The following SGCD variants were observed in gnomAD, a reference collection of about 807,000 sequenced individuals.
The protein encoded by SGCD is sarcoglycan delta, also known as delta-sarcoglycan.
SGCD carries 18 observed loss-of-function variants against 36.6 expected under a neutral mutation model. The observed-to-expected ratio is 0.49, with a 90% CI of 0.34 to 0.73. The LOEUF is 0.73. SGCD is among the 30% of genes least tolerant of loss of function. The pLI is 0.01. For synonymous variants in SGCD, 133 were observed against 130.6 expected (o/e 1.02, Z -0.12); for missense variants, 387 against 346.7 (o/e 1.12, Z -0.92).
At chr5:155,807,834 G>A in the SGCD span, among the ~76,000 whole-genome samples, 1 of 152,218 alleles carries the variant, frequency 6.6e-6, no homozygotes, top group East Asian at 1.9e-4. Context: ...GACTCTTTAT[G>A]GAGAGAGGAT....
intron 3 of SGCD, among the ~76,000 whole-genome samples, chr5:156,415,501 C>G (rs1051238756): frequency 1.3e-5 from 2 of 152,162 alleles, no homozygotes; most frequent in Admixed American, 6.5e-5. Context: ...CCCTGAGGCT[C>G]TCTGATTTCA....
At chr5:156,036,969 C>A (rs575785429) in intron 1 of SGCD, among the ~76,000 whole-genome samples, 1 of 152,120 alleles carries the variant, frequency 6.6e-6, no homozygotes, top group Admixed American at 6.6e-5. Context: ...TCTCCTCATG[C>A]CACTTACAGT....
chr5:156,412,787 CTTTT>C (rs35464853), intron 3 of SGCD, among the ~76,000 whole-genome samples: 2 of 105,024 alleles, frequency 1.9e-5, no homozygotes. Context: ...AGGGTTGGTT[CTTTT>C]TTTTTTTTTT....
intron 3 of SGCD, among the ~76,000 whole-genome samples, chr5:156,148,997 GT>G (rs1333215937): frequency 6.6e-6 from 1 of 152,130 alleles, no homozygotes; most frequent in African/African-American, 2.4e-5. Flanking sequence ...GAATGGGTTT[GT>G]TTTCATATTC....
chr5:156,198,642 T>C (rs995611255), intron 3 of SGCD, among the ~76,000 whole-genome samples: 5 of 152,088 alleles, frequency 3.3e-5, no homozygotes, highest in African/African-American at 1.2e-4. Flanking sequence ...TGTGAAAGAA[T>C]AGTTTTTCCC....
the SGCD span, among the ~76,000 whole-genome samples, chr5:155,777,274 T>G: frequency 6.6e-6 from 1 of 152,166 alleles, no homozygotes; most frequent in African/African-American, 2.4e-5. Context: ...ATATGTATAT[T>G]GTTGCTAGAA....
intron 3 of SGCD, among the ~76,000 whole-genome samples, chr5:156,408,462 G>A (rs376600224): frequency 9.9e-5 from 15 of 151,650 alleles, no homozygotes; most frequent in Non-Finnish European, 1.8e-4. Context: ...GGGTTCAAGC[G>A]ATTCTCCTGC....
At chr5:156,305,536 T>C (rs897835309) in intron 3 of SGCD, among the ~76,000 whole-genome samples, 3 of 152,146 alleles carry the variant, frequency 2.0e-5, no homozygotes, top group South Asian at 2.1e-4. Flanking sequence ...GGGGCCCTCA[T>C]GGAGAACCTC....
chr5:156,432,240 G>T (rs1753053938), intron 3 of SGCD, among the ~76,000 whole-genome samples: 1 of 152,214 alleles, frequency 6.6e-6, no homozygotes, highest in African/African-American at 2.4e-5. Flanking sequence ...TTTCTAGTAT[G>T]CTAGTTATGC....
the SGCD span, among the ~76,000 whole-genome samples, chr5:155,830,037 GC>G: frequency 3.5e-4 from 53 of 152,062 alleles, 1 homozygote; most frequent in Admixed American, 5.9e-4. Flanking sequence ...GGGGATGGAG[GC>G]CCAAAGTCTC....
chr5:156,046,370 T>C (rs1403334538), intron 1 of SGCD, among the ~76,000 whole-genome samples: 1 of 152,148 alleles, frequency 6.6e-6, no homozygotes, highest in African/African-American at 2.4e-5. Context: ...CAGGCATACC[T>C]AGTTTTATTG....
intron 1 of SGCD, among the ~76,000 whole-genome samples, chr5:155,947,475 T>G (rs560300358): frequency 1.3e-5 from 2 of 152,240 alleles, no homozygotes; most frequent in Admixed American, 1.3e-4. Context: ...TTAATAACTT[T>G]CCTCAAAGTC....
chr5:156,095,966 A>T (rs1761363915), intron 1 of SGCD, among the ~76,000 whole-genome samples: 1 of 152,234 alleles, frequency 6.6e-6, no homozygotes, highest in East Asian at 1.9e-4. Flanking sequence ...AGTCCAGCTG[A>T]CATTCTGAGT....
chr5:156,285,123 G>T (rs182510909), intron 3 of SGCD, among the ~76,000 whole-genome samples: 141 of 152,304 alleles, frequency 9.3e-4, no homozygotes, highest in Admixed American at 2.6e-3. Flanking sequence ...CAAGGGATAT[G>T]AAGGACCTCT....
chr5:156,396,732 T>TA (rs1771871368), intron 3 of SGCD, among the ~76,000 whole-genome samples: 1 of 152,184 alleles, frequency 6.6e-6, no homozygotes, highest in African/African-American at 2.4e-5. Flanking sequence ...AATGATAGCT[T>TA]ACACTGCCTG....
chr5:156,306,119 A>T (rs1260888104), intron 3 of SGCD, among the ~76,000 whole-genome samples: 1 of 152,202 alleles, frequency 6.6e-6, no homozygotes, highest in Non-Finnish European at 1.5e-5. Flanking sequence ...GGAAGGCATG[A>T]TTCATTTTGA....
At chr5:156,687,379 A>G (rs1753940744) in intron 7 of SGCD, among the ~76,000 whole-genome samples, 6 of 152,208 alleles carry the variant, frequency 3.9e-5, no homozygotes, top group Admixed American at 3.3e-4. Context: ...CCATCTTTTC[A>G]TTCCATGTTA....
chr5:156,491,790 T>TA (rs1755955152), intron 3 of SGCD, among the ~76,000 whole-genome samples: 1 of 152,146 alleles, frequency 6.6e-6, no homozygotes, highest in Non-Finnish European at 1.5e-5. Flanking sequence ...GTTATCTTAT[T>TA]AGTACCTGTG....
intron 7 of SGCD, among the ~76,000 whole-genome samples, chr5:156,706,855 C>G (rs1581432600): frequency 6.6e-6 from 1 of 152,148 alleles, no homozygotes; most frequent in East Asian, 1.9e-4. Context: ...TCTGACTCTT[C>G]CACTGATCTT....
Sources: allele counts gnomAD v4.1 joint callset (sites outside exome capture counted in the v4.1 genomes callset), GRCh38; gene constraint gnomAD v4.1.1; transcripts MANE v1.5; gene names NCBI Gene and HGNC (gene_info 2026-07-23, HGNC 2026-07-21).